The following ZXDC variants were observed in gnomAD, a reference collection of about 807,000 sequenced individuals.
ZXDC encodes the protein ZXD family zinc finger C, also known as zinc finger protein ZXDC.
A neutral mutation model predicts 63.6 loss-of-function variants in ZXDC; 58 were observed. The ratio of observed to expected loss-of-function variants is 0.91; its 90% CI spans 0.74 to 1.13. The LOEUF (loss-of-function observed/expected upper bound fraction) is 1.13. Ranked by LOEUF, ZXDC falls within the 50% of genes most tolerant of loss-of-function variation. The pLI is 0.00. For missense variants in ZXDC, 1,133 were observed against 1,148.9 expected (o/e 0.99, Z 0.20); for synonymous variants, 561 against 496.1 (o/e 1.13, Z -1.74).
chr3:126,473,656 G>C (rs929414039), intron 1 of ZXDC, among the ~76,000 whole-genome samples: 1 of 152,194 alleles, frequency 6.6e-6, no homozygotes, highest in African/African-American at 2.4e-5. Flanking sequence ...TCTCTGAAGA[G>C]GAATGCGCAA....
chr3:126,448,223 A>C (rs1560091707), intron 7 of ZXDC, among the ~76,000 whole-genome samples: 1 of 152,328 alleles, frequency 6.6e-6, no homozygotes, highest in East Asian at 1.9e-4. Flanking sequence ...TTATACATTA[A>C]ATTATTAGCT....
chr3:126,451,298 A>T, intron 7 of ZXDC: 4 of 985,358 alleles, frequency 4.1e-6, no homozygotes, highest in Non-Finnish European at 4.8e-6. Flanking sequence ...TTTGTCTCTC[A>T]ACACACCCAC....
intron 7 of ZXDC, chr3:126,454,302 A>C (rs1177220284): frequency 2.3e-5 from 23 of 984,434 alleles, no homozygotes; most frequent in Non-Finnish European, 2.8e-5. Context: ...TGGCTTTTAC[A>C]TTGTTTGATA....
At chr3:126,446,741 A>G (rs1024380295) in intron 7 of ZXDC, among the ~76,000 whole-genome samples, 3 of 145,134 alleles carry the variant, frequency 2.1e-5, no homozygotes, top group African/African-American at 4.9e-5. Context: ...TTATAAAGAT[A>G]TAATATGTTA....
intron 7 of ZXDC, chr3:126,459,291 T>G: frequency 1.0e-6 from 1 of 985,464 alleles, no homozygotes; most frequent in Non-Finnish European, 1.2e-6. Flanking sequence ...CCCAGGTCTC[T>G]GCCATGCCAA....
chr3:126,440,503 C>A (rs1933635286), intron 8 of ZXDC: 1 of 985,706 alleles, frequency 1.0e-6, no homozygotes, highest in South Asian at 4.7e-5. Context: ...TAAAAGTATA[C>A]CCCCTACTTG....
Position 126,438,430 on chromosome 3 carries a change from C to T in ZXDC, c.2522G>A (p.Gly841Glu), listed in dbSNP as rs753055369. The T allele has an allele frequency of 4.3e-6, 7 of 1,613,768 alleles. No individual in the cohort carries two copies. The highest frequency in any genetic ancestry group is 5.9e-6 in the Non-Finnish European group (7 of 1,179,922). Residue 841 changes from glycine (G) to glutamate (E), a missense_variant, in exon 10 of 10, where the codon GGA (glycine) becomes GAA (glutamate). Gly to Glu is a moderately conservative substitution (Grantham distance 98). Transcript: ENST00000389709. The part of the protein sequence containing the change: ...EVLPSSGGPA[G>E]PEATQFPGST... The stretch of plus-strand genomic sequence containing the variant: ...TCCTGGGAACTGGGTGGCCTCCGGT[C>T]CAGCAGGGCCTCCAGATGAGGGGAG...
intron 8 of ZXDC, chr3:126,440,197 G>C: frequency 1.0e-6 from 1 of 998,804 alleles, no homozygotes. Context: ...CCTGAGAGGG[G>C]AGGCTGCCAG....
chr3:126,449,141 T>C (rs1244493037), intron 7 of ZXDC, among the ~76,000 whole-genome samples: 2 of 152,250 alleles, frequency 1.3e-5, no homozygotes, highest in Non-Finnish European at 2.9e-5. Flanking sequence ...CTGCCACTCT[T>C]TCTCTTACTT....
At chr3:126,454,931 G>A (rs1934247974) in intron 7 of ZXDC, 1 of 985,290 alleles carries the variant, frequency 1.0e-6, no homozygotes, top group Non-Finnish European at 1.2e-6. Context: ...AACACAATGG[G>A]AAGAGTCTTG....
chr3:126,455,122 C>T, intron 7 of ZXDC: 1 of 984,858 alleles, frequency 1.0e-6, no homozygotes, highest in Non-Finnish European at 1.2e-6. Flanking sequence ...CTCTCAATCA[C>T]AAATGTTGAA....
chr3:126,467,431 G>A (rs1454803729), intron 4 of ZXDC, among the ~76,000 whole-genome samples: 2 of 152,182 alleles, frequency 1.3e-5, no homozygotes, highest in African/African-American at 4.8e-5. Flanking sequence ...CAGAGCCTCT[G>A]CACGGGCCTA....
intron 7 of ZXDC, chr3:126,458,694 C>T: frequency 2.0e-6 from 2 of 985,398 alleles, no homozygotes; most frequent in Non-Finnish European, 2.4e-6. Context: ...AGATTATCTA[C>T]CAGGTTCAAT....
At chr3:126,458,678 T>C in intron 7 of ZXDC, 1 of 985,492 alleles carries the variant, frequency 1.0e-6, no homozygotes, top group Non-Finnish European at 1.2e-6. Context: ...GTCTCTTTTT[T>C]CTTCAAGATT....
intron 4 of ZXDC, among the ~76,000 whole-genome samples, chr3:126,470,559 C>T (rs1433145332): frequency 6.6e-6 from 1 of 152,186 alleles, no homozygotes; most frequent in Admixed American, 6.5e-5. Flanking sequence ...CTCAAAAGTA[C>T]CTACCATTTA....
At chr3:126,468,717 C>T (rs536487680) in intron 4 of ZXDC, among the ~76,000 whole-genome samples, 4 of 152,310 alleles carry the variant, frequency 2.6e-5, no homozygotes, top group African/African-American at 9.6e-5. Flanking sequence ...CAGGACTCTG[C>T]CTGAGTGACC....
At chr3:126,450,216 C>A in intron 7 of ZXDC, 1 of 403,854 alleles carries the variant, frequency 2.5e-6, no homozygotes, top group Non-Finnish European at 5.0e-6. Context: ...GCACCTTGCT[C>A]ACCCTTTACC....
chr3:126,474,986 C>A lies in ZXDC; in HGVS notation c.880G>T (p.Glu294Ter). ...SSHQRSHFEP[E>*]RPYKCDFPGC... ...GGAAAGTCACACTTGTAAGGGCGCTCGGGCTCGAAGTGGCTGCGCTGGTGG... is the reference window on the plus strand; with the variant it reads ...GGAAAGTCACACTTGTAAGGGCGCTAGGGCTCGAAGTGGCTGCGCTGGTGG... Residue 294 changes from glutamate (E) to a stop codon, truncating the protein, a stop_gained, in exon 1 of 10, where the codon GAG (glutamate) becomes TAG (stop). Transcript: ENST00000389709. LOFTEE classifies it high-confidence loss of function. 2 of 1,591,046 alleles carry A rather than the reference C, an allele frequency of 1.3e-6. No individual in the cohort carries two copies. The highest frequency in any genetic ancestry group is 1.7e-6 in the Non-Finnish European group (2 of 1,169,262).
chr3:126,441,013 G>A (rs1933654776), intron 8 of ZXDC: 2 of 985,586 alleles, frequency 2.0e-6, no homozygotes, highest in Non-Finnish European at 1.2e-6. Context: ...GTGGAGTGGT[G>A]AAGAGGGGCA....
Sources: gnomAD v4.1 joint callset for allele counts (sites outside exome capture counted in the v4.1 genomes callset) on GRCh38, gnomAD v4.1.1 for gene constraint, MANE v1.5 for transcripts, NCBI Gene and HGNC (gene_info 2026-07-23, HGNC 2026-07-21) for gene names.